EVPL: variants seen among roughly 807,000 people sequenced by gnomAD.
EVPL encodes the protein envoplakin, also known as 210 kDa cornified envelope precursor protein.
In EVPL, 94 loss-of-function variants were observed where a neutral mutation model predicts 129.7. The observed-to-expected ratio is 0.72, with a 90% CI of 0.61 to 0.86. EVPL has a LOEUF of 0.86. Among genes scored for constraint, EVPL ranks in the 40% least tolerant of loss-of-function variants. The pLI, the probability that EVPL is intolerant of heterozygous loss-of-function variation, is 0.00. For synonymous variants in EVPL, 1,172 were observed against 1,191.1 expected (o/e 0.98, Z 0.33); for missense variants, 2,625 against 2,721.1 (o/e 0.96, Z 0.79).
In EVPL at chr17:76,018,523, GC is replaced by G; in HGVS notation, c.1361del (p.Gly454AlafsTer35). ...CGGCGGGAGCACGCTTGGTCTCCCC[GC>G]CAGGGCCCTGCACGACCCAGGCGTG... Reference protein sequence around the residue: ...DPHAWVVQGPGGETKRAPAAC... With the variant: ...DPHAWVVQGPXGETKRAPAAC... On this transcript the variant is annotated frameshift_variant, in exon 12 of 22. Coordinates refer to ENST00000301607, the MANE Select transcript of EVPL (RefSeq NM_001988.4). LOFTEE classifies it high-confidence loss of function. 6.2e-7 allele frequency: 1 copy of G among 1,612,668 alleles called. No individual in the cohort carries two copies. Among genetic ancestry groups the G allele is most frequent in the Non-Finnish European group, 8.5e-7 (1 of 1,179,846 alleles).
Position 76,009,701 on chromosome 17 carries a change from C to A in EVPL, c.3504G>T (p.Thr1168=). ...LLEEERTKNA[T]LARELSDLHS... ...GCAGGTCGCTCAGCTCCCTGGCCAG[C>A]GTCGCGTTCTTGGTCCTCTCCTCCT... is the stretch of plus-strand genomic sequence containing the variant. The change falls in exon 22 of 22, where the codon ACG becomes ACT. Residue 1168 remains threonine (T), a synonymous_variant. Coordinates refer to ENST00000301607, the MANE Select transcript of EVPL (RefSeq NM_001988.4). The surrounding 1 kb of genome is among the most constrained non-coding windows in gnomAD (Gnocchi z 5.9). 3 of 1,613,460 alleles carry A rather than the reference C, an allele frequency of 1.9e-6. No individual in the cohort carries two copies. Among genetic ancestry groups the A allele is most frequent in the Non-Finnish European group, 2.5e-6 (3 of 1,180,010 alleles).
intron 18 of EVPL, among the ~76,000 whole-genome samples, chr17:76,012,744 T>C (rs982310530): frequency 5.0e-4 from 6 of 11,968 alleles, no homozygotes; most frequent in East Asian, 3.1e-3. Flanking sequence ...TTTCTTTTCT[T>C]TTTTTTTTTT....
Position 76,007,028 on chromosome 17 carries a change from C to G in EVPL, c.*75G>C, listed in dbSNP as rs2066320885. ...GGAAGACCCACTGCCTGGGATGAGG[C>G]TGCTCTGAGGCAAGAGGTGTACGTA... is the stretch of plus-strand genomic sequence containing the variant. On this transcript the variant is annotated 3_prime_UTR_variant, in exon 22 of 22. Transcript: ENST00000301607. This position sits in a 1 kb window ranked among gnomAD's most constrained non-coding sequence, Gnocchi z 8.8. The G allele has an allele frequency of 7.7e-7, 1 of 1,300,692 alleles. No individual in the cohort carries two copies. Among genetic ancestry groups the G allele is most frequent in the Non-Finnish European group, 9.8e-7 (1 of 1,022,750 alleles). 80.6% of individuals were successfully genotyped at this position (1,300,692 alleles called of 1,614,324 possible).
Position 76,008,311 on chromosome 17 carries a change from C to A in EVPL, c.4894G>T (p.Ala1632Ser). The change falls in exon 22 of 22, where the codon GCC becomes TCC. Residue 1632 changes from alanine to serine, a missense_variant. Physicochemically the swap from Ala to Ser is moderately conservative, Grantham distance 99 (BLOSUM62 1). Transcript: ENST00000301607. This position sits in a 1 kb window ranked among gnomAD's most constrained non-coding sequence, Gnocchi z 7.4. ...QKTESERQKA[A>S]QRGQELSRLE... ...CGCGAGAGCTCCTGGCCCCGCTGGG[C>A]CGCCTTCTGTCGCTCGCTCTCCGTC... 1 of 1,608,800 alleles carries A rather than the reference C, an allele frequency of 6.2e-7. No homozygotes were observed. The highest frequency in any genetic ancestry group is 8.5e-7 in the Non-Finnish European group (1 of 1,179,922).
In EVPL at chr17:76,024,398, T is replaced by C. The variant is rs377062916; in HGVS notation, c.99-278A>G. Among the ~76,000 whole-genome samples the C allele has an allele frequency of 6.6e-6, 1 of 152,152 alleles. No homozygotes were observed. The highest frequency in any genetic ancestry group is 2.1e-4 in the South Asian group (1 of 4,830). ...CCTCGGTGTCCCAGCCTTAGCCAGC[T>C]GTGCTGGCAGTGAGTTCCCGACCCC... On this transcript the variant is annotated intron_variant, in intron 1 of 21. Coordinates refer to ENST00000301607, the MANE Select transcript of EVPL (RefSeq NM_001988.4). The surrounding 1 kb of genome is among the most constrained non-coding windows in gnomAD (Gnocchi z 4.5).
rs369570717 is a variant in EVPL at position 76,011,731 on chromosome 17, T to C, written c.2568+41A>G. ...GCTCCTGCCTTGGACCCTACAGAGC[T>C]GGTGTCAAGGTCCACTGAGCCCCGC... On this transcript the variant is annotated intron_variant, in intron 20 of 21. Coordinates refer to ENST00000301607, the MANE Select transcript of EVPL (RefSeq NM_001988.4). The C allele has an allele frequency of 1.1e-5, 17 of 1,609,876 alleles. No individual in the cohort carries two copies. The African/African-American group carries it at 2.0e-4, about 19-fold the overall frequency.
Position 76,014,588 on chromosome 17 carries a change from C to T in EVPL, c.2223-12G>A, listed in dbSNP as rs1385832902. The T allele has an allele frequency of 5.0e-6, 8 of 1,609,994 alleles. No homozygotes were observed. In the Admixed American group the frequency reaches 5.1e-5, roughly 10 times the overall value. On this transcript the variant is annotated splice_polypyrimidine_tract_variant and intron_variant, in intron 17 of 21. Coordinates refer to ENST00000301607, the MANE Select transcript of EVPL (RefSeq NM_001988.4). ...GCACCACCTTCTCCCTGCAGGAGGA[C>T]GAGGCCCAGAACAGAGATAAGACCT...
rs747335761 is a variant in EVPL, at chr17:76,011,583, A to G, written c.2654T>C (p.Leu885Pro). The change falls in exon 21 of 22, where the codon CTG becomes CCG. Residue 885 changes from leucine (L) to proline (P), a missense_variant. Leu to Pro is a moderately conservative substitution (Grantham distance 98). This residue lies in a region of EVPL where 1,024 missense variants were observed against 997.5 expected (regional missense o/e 1.03). Coordinates refer to ENST00000301607, the MANE Select transcript of EVPL (RefSeq NM_001988.4). ...TAGGTGTTGTCTGTGTACCTTCTCC[A>G]GCATTTTTCTAGCAAACTCCAGCTG... is the stretch of plus-strand genomic sequence containing the variant. ...LQQLEFARKM[L>P]EKKELSEDIR... is the part of the protein sequence containing the mutation. 3.1e-6 allele frequency: 5 copies of G among 1,613,928 alleles called. No individual in the cohort carries two copies. Among genetic ancestry groups the G allele is most frequent in the African/African-American group, 2.7e-5 (2 of 74,922 alleles).
In EVPL at chr17:76,008,126, C is replaced by T. The variant is rs757877898; in HGVS notation, c.5079G>A (p.Thr1693=). 1.5e-5 allele frequency: 25 copies of T among 1,614,070 alleles called. No homozygotes were observed. The highest frequency in any genetic ancestry group is 6.7e-5 in the African/African-American group (5 of 74,920). The change falls in exon 22 of 22, where the codon ACG becomes ACA. Residue 1693 remains threonine (T), a synonymous_variant. Coordinates refer to ENST00000301607, the MANE Select transcript of EVPL (RefSeq NM_001988.4). This position sits in a 1 kb window ranked among gnomAD's most constrained non-coding sequence, Gnocchi z 7.4. ...CCTCGTATGGGGACATGTCCTTCCCCGTCTCGGGTTCCAGGATGGAGATCT... is the reference window on the plus strand; with the variant it reads ...CCTCGTATGGGGACATGTCCTTCCCTGTCTCGGGTTCCAGGATGGAGATCT... ...STKISILEPE[T]GKDMSPYEAY... is the part of the protein sequence containing the mutation.
chr17:76,022,284 C>G lies in EVPL; in HGVS notation c.607-57G>C. The G allele has an allele frequency of 6.2e-7, 1 of 1,605,048 alleles. No homozygotes were observed. The highest frequency in any genetic ancestry group is 8.5e-7 in the Non-Finnish European group (1 of 1,176,632). On this transcript the variant is annotated intron_variant, in intron 5 of 21. Coordinates refer to ENST00000301607, the MANE Select transcript of EVPL (RefSeq NM_001988.4). This position sits in a 1 kb window ranked among gnomAD's most constrained non-coding sequence, Gnocchi z 5.6. The stretch of plus-strand genomic sequence containing the variant: ...GAGAGGTGGGGTGCAGGGAGACGGC[C>G]CCCTAAGATCTGGGCCAGCCATACC...
rs1390549400 is a variant in EVPL, at chr17:76,009,041, G to A, written c.4164C>T (p.His1388=). ...CATCCAGGCTCCCGCTCAGCCGGCT[G>A]TGCTCCTCGCGCAGCTTCGGGTCCT... The part of the protein sequence containing the change: ...TQKDPKLREE[H]SRLSGSLDEE... The change falls in exon 22 of 22, where the codon CAC becomes CAT. Residue 1388 remains histidine (H), a synonymous_variant. Transcript: ENST00000301607. This position sits in a 1 kb window ranked among gnomAD's most constrained non-coding sequence, Gnocchi z 5.9. 6.2e-7 allele frequency: 1 copy of A among 1,613,434 alleles called. No individual in the cohort carries two copies. Among genetic ancestry groups the A allele is most frequent in the East Asian group, 2.2e-5 (1 of 44,858 alleles).
chr17:76,015,895 G>A (rs1302303471), intron 14 of EVPL, among the ~76,000 whole-genome samples: 2 of 152,232 alleles, frequency 1.3e-5, no homozygotes, highest in Admixed American at 6.5e-5. Flanking sequence ...TGTAATCCTA[G>A]CACTTTGGGA....
At chr17:76,011,484 A>T in intron 21 of EVPL, 92 bp downstream of exon 21, 1 of 1,120,428 alleles carries the variant, frequency 8.9e-7, no homozygotes, top group Non-Finnish European at 1.4e-6. Context: ...GAAGGAGACT[A>T]CCAGGGTGAC....
At chr17:76,018,849 G>A in intron 11 of EVPL, 65 bp downstream of exon 11, 10 of 1,458,448 alleles carry the variant, frequency 6.9e-6, no homozygotes, top group South Asian at 1.5e-5. Context: ...ATGGGCTTGG[G>A]CAGGGGCAGG....
chr17:76,027,142 G>A lies in EVPL; in HGVS notation c.57C>T (p.Pro19=), dbSNP rs758664631. 1.3e-5 allele frequency: 21 copies of A among 1,559,598 alleles called. No individual in the cohort carries two copies. The highest frequency in any genetic ancestry group is 1.6e-5 in the Non-Finnish European group (19 of 1,159,530). The stretch of plus-strand genomic sequence containing the variant: ...GGGAGCCTTTGGGGGACCCCTTGGC[G>A]GGGGAGCCCTTGGGGGACCCCTTCC... ...SQGKGSPKGS[P]AKGSPKGSPS... is the part of the protein sequence containing the mutation. Residue 19 remains proline (P), a synonymous_variant, in exon 1 of 22, where the codon CCC becomes CCT. Coordinates refer to ENST00000301607, the MANE Select transcript of EVPL (RefSeq NM_001988.4).
Position 76,008,307 on chromosome 17 carries a change from T to G in EVPL, c.4898A>C (p.Gln1633Pro), listed in dbSNP as rs1567906328. Residue 1633 changes from glutamine (Q) to proline (P), a missense_variant, in exon 22 of 22, where the codon CAG becomes CCG. Physicochemically the swap from Gln to Pro is moderately conservative, Grantham distance 76. Around this residue, in one of 4 missense-constraint regions of EVPL, gnomAD observed 1,453 missense variants for 1,511.8 expected, o/e 0.96. Transcript: ENST00000301607. The surrounding 1 kb of genome is among the most constrained non-coding windows in gnomAD (Gnocchi z 7.4). ...KTESERQKAA[Q>P]RGQELSRLEA... Reference sequence around the variant, plus strand: ...CAGCCGCGAGAGCTCCTGGCCCCGCTGGGCCGCCTTCTGTCGCTCGCTCTC... The same window carrying G: ...CAGCCGCGAGAGCTCCTGGCCCCGCGGGGCCGCCTTCTGTCGCTCGCTCTC... 1 of 1,609,238 alleles carries G rather than the reference T, an allele frequency of 6.2e-7. No homozygotes were observed. The highest frequency in any genetic ancestry group is 8.5e-7 in the Non-Finnish European group (1 of 1,179,916).
intron 18 of EVPL, among the ~76,000 whole-genome samples, 194 bp downstream of exon 18, chr17:76,014,232 T>C (rs1177219286): frequency 6.6e-6 from 1 of 152,070 alleles, no homozygotes; most frequent in Non-Finnish European, 1.5e-5. Flanking sequence ...AGCTTGTAAA[T>C]CCCACTGCCC....
rs751361738 is a variant in EVPL, at chr17:76,008,548, G to A, written c.4657C>T (p.Arg1553Trp). The change falls in exon 22 of 22, where the codon CGG becomes TGG. Residue 1553 changes from arginine (R) to tryptophan (W), a missense_variant. Arg to Trp is a moderately radical substitution (Grantham distance 101). This residue lies in a region of EVPL where 1,453 missense variants were observed against 1,511.8 expected (regional missense o/e 0.96). Coordinates refer to ENST00000301607, the MANE Select transcript of EVPL (RefSeq NM_001988.4). The surrounding 1 kb of genome is among the most constrained non-coding windows in gnomAD (Gnocchi z 7.4). Reference protein sequence around the residue: ...LNRERTARQAREEEARRLRER... With the variant: ...LNRERTARQAWEEEARRLRER... ...CGCAGGCGCCGTGCCTCCTCCTCCC[G>A]GGCCTGCCGGGCCGTGCGCTCCCTG... is the stretch of plus-strand genomic sequence containing the variant. The A allele has an allele frequency of 1.4e-5, 22 of 1,608,214 alleles. No individual in the cohort carries two copies. In the East Asian group the frequency reaches 3.3e-4, roughly 24 times the overall value.
rs1001387633 is a variant in EVPL at position 76,027,290 on chromosome 17, G to T, written c.-92C>A. On this transcript the variant is annotated 5_prime_UTR_variant, in exon 1 of 22. Coordinates refer to ENST00000301607, the MANE Select transcript of EVPL (RefSeq NM_001988.4). ...GAGGCAGCGGGCGTCCTCACTGGCTGGTCAGCTAAGTCTGGCGAGGTGGGG... is the reference window on the plus strand; with the variant it reads ...GAGGCAGCGGGCGTCCTCACTGGCTTGTCAGCTAAGTCTGGCGAGGTGGGG... 1.5e-5 allele frequency: 14 copies of T among 911,764 alleles called. No homozygotes were observed. Among genetic ancestry groups the T allele is most frequent in the Admixed American group, 5.6e-5 (3 of 53,450 alleles). 56.5% of individuals were successfully genotyped at this position (911,764 alleles called of 1,614,324 possible). A position where few individuals can be genotyped will look rare whatever the true frequency, so the allele number is the denominator to read the frequency against.
Sources: gnomAD v4.1 joint callset for allele counts (sites outside exome capture counted in the v4.1 genomes callset) on GRCh38, gnomAD v4.1.1 for gene constraint, gnomAD v4.1.1 regional missense constraint, Gnocchi (gnomAD v3.1) non-coding constraint, MANE v1.5 for transcripts, NCBI Gene and HGNC (gene_info 2026-07-23, HGNC 2026-07-21) for gene names.